ARG1: variants seen among roughly 807,000 people sequenced by gnomAD.
ARG1 encodes arginase 1.
Under a neutral mutation model 33.0 loss-of-function variants are expected in ARG1, and 20 were observed. The observed-to-expected ratio is 0.61, with a 90% CI of 0.43 to 0.88. The LOEUF is 0.88. ARG1 is among the 40% of genes least tolerant of loss of function. The probability of loss-of-function intolerance (pLI) is 0.00; values close to 1 mark genes in which losing one functional copy is unlikely to be tolerated. For synonymous variants in ARG1, 146 were observed against 140.6 expected, an observed-to-expected ratio of 1.04 and a Z score of -0.27; for missense variants, 374 against 384.7, an observed-to-expected ratio of 0.97 and a Z score of 0.23.
At chr6:131,576,528 T>C in intron 1 of ARG1, 135 bp from the exon 2 acceptor site, 7 of 789,098 alleles carry the variant, frequency 8.9e-6, no homozygotes, top group Non-Finnish European at 1.5e-5. Context: ...AAAGAGATGA[T>C]GTAAATTCCT....
Position 131,576,652 on chromosome 6 carries a change from T to A in ARG1, c.58-11T>A. On this transcript the variant is annotated splice_polypyrimidine_tract_variant and intron_variant, in intron 1 of 7. Coordinates refer to ENST00000368087, the MANE Select transcript of ARG1 (RefSeq NM_000045.4). ...ATAATGTCTGAAGTACTTTATTTTT[T>A]AATTGTTCAGCCACGAGGAGGGGTG... 6.2e-7 allele frequency: 1 copy of A among 1,612,812 alleles called. No individual in the cohort carries two copies. Among genetic ancestry groups the A allele is most frequent in the Non-Finnish European group, 8.5e-7 (1 of 1,178,784 alleles).
intron 2 of ARG1, 88 bp from the exon 3 acceptor site, chr6:131,579,023 T>C (rs1472172701): frequency 4.9e-6 from 7 of 1,434,700 alleles, no homozygotes; most frequent in Non-Finnish European, 5.8e-6. Flanking sequence ...TGTGAATATA[T>C]GCCTATTTTA....
chr6:131,574,163 CAAA>C (rs1773502441), intron 1 of ARG1: 13 of 1,185,282 alleles, frequency 1.1e-5, no homozygotes, highest in Non-Finnish European at 1.5e-5. Flanking sequence ...GGATAAAAAA[CAAA>C]GAACAAAATC....
chr6:131,583,099 G>A lies in ARG1; in HGVS notation c.600G>A (p.Met200Ile). 3 of 1,613,772 alleles carry A rather than the reference G, an allele frequency of 1.9e-6. No individual in the cohort carries two copies. The highest frequency in any genetic ancestry group is 1.7e-6 in the Non-Finnish European group (2 of 1,179,880). The change falls in exon 6 of 8, where the codon ATG becomes ATA. Residue 200 changes from methionine to isoleucine, a missense_variant. Transcript: ENST00000368087. ...LKTLGIKYFS[M>I]TEVDRLGIGK... ...CTCTAGGCATTAAATACTTTTCAAT[G>A]ACTGAAGTGGACAGACTAGGAATTG...
intron 1 of ARG1, among the ~76,000 whole-genome samples, chr6:131,574,510 A>C (rs1773519539): frequency 6.6e-6 from 1 of 152,152 alleles, no homozygotes; most frequent in Non-Finnish European, 1.5e-5. Flanking sequence ...AACCTCACAA[A>C]AGGGAAGCAA....
chr6:131,580,713 A>C (rs942156351), intron 3 of ARG1, among the ~76,000 whole-genome samples: 4 of 152,160 alleles, frequency 2.6e-5, no homozygotes, highest in Non-Finnish European at 5.9e-5. Flanking sequence ...GAAGAACTTG[A>C]GTAAGAACAT....
At chr6:131,579,379 G>A in intron 3 of ARG1, 94 bp downstream of exon 3, 1 of 1,398,774 alleles carries the variant, frequency 7.1e-7, no homozygotes, top group Non-Finnish European at 9.8e-7. Flanking sequence ...AGACAGAAAA[G>A]CATTGACCTA....
chr6:131,583,265 C>T (rs946074586), intron 6 of ARG1, 90 bp from the exon 7 acceptor site: 25 of 1,604,672 alleles, frequency 1.6e-5, no homozygotes, highest in Non-Finnish European at 2.0e-5. Context: ...TAATGGGTTG[C>T]TACTTTTTAT....
intron 2 of ARG1, 116 bp from the exon 3 acceptor site, chr6:131,578,995 T>G: frequency 8.1e-7 from 1 of 1,234,742 alleles, no homozygotes; most frequent in Non-Finnish European, 1.1e-6. Context: ...CCTTTCAGGT[T>G]TTTCCTTTGC....
At chr6:131,575,372 C>G (rs1182988785) in intron 1 of ARG1, among the ~76,000 whole-genome samples, 2 of 151,990 alleles carry the variant, frequency 1.3e-5, no homozygotes, top group African/African-American at 4.8e-5. Context: ...AAACTAAAGG[C>G]AAAACATGAA....
intron 3 of ARG1, 56 bp downstream of exon 3, chr6:131,579,341 C>T (rs1436688738): frequency 2.5e-6 from 4 of 1,583,298 alleles, no homozygotes; most frequent in Non-Finnish European, 3.5e-6. Context: ...TAACCAAGGC[C>T]ATAAGAAGAG....
Position 131,577,891 on chromosome 6 carries a change from G to A in ARG1, c.130+1156G>A, listed in dbSNP as rs182374446. On this transcript the variant is annotated intron_variant, in intron 2 of 7. Coordinates refer to ENST00000368087, the MANE Select transcript of ARG1 (RefSeq NM_000045.4). The stretch of plus-strand genomic sequence containing the variant: ...TGCACCCCAACCTGGGCGACAGAGC[G>A]AGACTCCATCTCCAAAAAAAAAAAA... Among the ~76,000 whole-genome samples the A allele has an allele frequency of 3.7e-3, 542 of 145,390 alleles. 4 individuals are homozygous for A. Among genetic ancestry groups the A allele is most frequent in the Middle Eastern group, 0.014 (4 of 286 alleles).
intron 5 of ARG1, 111 bp downstream of exon 5, chr6:131,582,826 C>CAT: frequency 1.1e-6 from 1 of 878,172 alleles, no homozygotes; most frequent in Non-Finnish European, 1.9e-6. Flanking sequence ...CACACACACA[C>CAT]ACACATGCCC....
intron 1 of ARG1, chr6:131,574,138 ATC>A: frequency 2.2e-6 from 2 of 894,054 alleles, no homozygotes; most frequent in Admixed American, 3.8e-5. Context: ...TTCAACACGC[ATC>A]TGTGCTTAAA....
At chr6:131,574,305 A>G (rs1298151306) in intron 1 of ARG1, 2 of 1,613,836 alleles carry the variant, frequency 1.2e-6, no homozygotes, top group East Asian at 2.2e-5. Flanking sequence ...ACTGCAAAAC[A>G]AATTGAGAGA....
rs1338971763 is a variant in ARG1, at chr6:131,583,901, C to T, written c.962C>T (p.Pro321Leu). The T allele has an allele frequency of 6.2e-7, 1 of 1,613,916 alleles. No homozygotes were observed. Residue 321 changes from proline (P) to leucine (L), a missense_variant, in exon 8 of 8, where the codon CCT becomes CTT. Transcript: ENST00000368087. The part of the protein sequence containing the change: ...NHKPIDYLNP[P>L]K The stretch of plus-strand genomic sequence containing the variant: ...AAGCCTATTGACTACCTTAACCCAC[C>T]TAAGTAAATGTGGAAACATCCGATA...
chr6:131,584,069 G>A lies in ARG1; in HGVS notation c.*161G>A. The A allele has an allele frequency of 1.2e-6, 1 of 819,634 alleles. No homozygotes were observed. The highest frequency in any genetic ancestry group is 1.8e-6 in the Non-Finnish European group (1 of 543,996). 50.8% of individuals were successfully genotyped at this position (819,634 alleles called of 1,614,324 possible). ...AATTCCCTCTTGGTGTAAAATTCAA[G>A]ATGTGGAAATTCTAACTTTTTTGAA... is the stretch of plus-strand genomic sequence containing the variant. On this transcript the variant is annotated 3_prime_UTR_variant, in exon 8 of 8. Coordinates refer to ENST00000368087, the MANE Select transcript of ARG1 (RefSeq NM_000045.4).
chr6:131,573,525 T>C (rs1385208021), intron 1 of ARG1, among the ~76,000 whole-genome samples, 186 bp downstream of exon 1: 1 of 152,220 alleles, frequency 6.6e-6, no homozygotes, highest in African/African-American at 2.4e-5. Flanking sequence ...CCACTTACTT[T>C]TGTGGCTCGT....
At chr6:131,573,481 C>T in intron 1 of ARG1, 142 bp downstream of exon 1, 2 of 767,808 alleles carry the variant, frequency 2.6e-6, no homozygotes, top group Non-Finnish European at 2.2e-6. Flanking sequence ...GTCCTCTCAC[C>T]ATTTTCCAAC....
Sources: allele counts gnomAD v4.1 joint callset (sites outside exome capture counted in the v4.1 genomes callset), GRCh38; gene constraint gnomAD v4.1.1; transcripts MANE v1.5; gene names NCBI Gene and HGNC (gene_info 2026-07-23, HGNC 2026-07-21).